Variants in NF1 observed in about 807,000 individuals in gnomAD.
NF1 encodes neurofibromin.
NF1 carries 122 observed loss-of-function variants against 325.7 expected under a neutral mutation model. The ratio of observed to expected loss-of-function variants is 0.37; its 90% CI spans 0.32 to 0.44. The LOEUF is 0.44. Among genes scored for constraint, NF1 ranks in the 20% least tolerant of loss-of-function variants. The pLI, the probability that NF1 is intolerant of heterozygous loss-of-function variation, is 1.00. For synonymous variants in NF1, 1,091 were observed against 1,186.0 expected (o/e 0.92, Z 1.65); for missense variants, 2,140 against 3,415.4 (o/e 0.63, Z 9.31).
intron 1 of NF1, among the ~76,000 whole-genome samples, chr17:31,110,259 A>C (rs1029549140): frequency 1.3e-5 from 2 of 152,222 alleles, no homozygotes; most frequent in African/African-American, 4.8e-5. Flanking sequence ...TACTAAAAAA[A>C]ATATTGGAGA....
chr17:31,251,237 C>T (rs1348977087), intron 30 of NF1: 1 of 206,108 alleles, frequency 4.9e-6, no homozygotes, highest in African/African-American at 2.3e-5. Flanking sequence ...TACCTTCCTG[C>T]TCTTCTGTGT....
At chr17:31,278,461 T>A (rs2068052496) in intron 36 of NF1, among the ~76,000 whole-genome samples, 1 of 143,784 alleles carries the variant, frequency 7.0e-6, no homozygotes, top group Non-Finnish European at 1.5e-5. Flanking sequence ...TCTTGAGTGA[T>A]ATTTGCACAG....
At chr17:31,151,727 A>T (rs1916956637) in intron 1 of NF1, among the ~76,000 whole-genome samples, 1 of 152,216 alleles carries the variant, frequency 6.6e-6, no homozygotes, top group Admixed American at 6.5e-5. Context: ...TTTAGGGAAT[A>T]ATGACGAAAA....
chr17:31,325,762 C>T (rs2151537201), intron 36 of NF1, 58 bp from the exon 37 acceptor site: 1 of 1,218,592 alleles, frequency 8.2e-7, no homozygotes, highest in Non-Finnish European at 1.2e-6. Flanking sequence ...TTAGTGGCAT[C>T]TGTATATTTA....
At chr17:31,147,860 A>G (rs1916684280) in intron 1 of NF1, among the ~76,000 whole-genome samples, 1 of 152,238 alleles carries the variant, frequency 6.6e-6, no homozygotes, top group South Asian at 2.1e-4. Flanking sequence ...TCACTGAGGC[A>G]TTTGAGATTC....
intron 1 of NF1, among the ~76,000 whole-genome samples, chr17:31,121,808 C>G (rs904914110): frequency 6.6e-6 from 1 of 152,114 alleles, no homozygotes; most frequent in East Asian, 1.9e-4. Flanking sequence ...TTTTGGTGTA[C>G]TGCTGGATTC....
At position 31,362,595 on chromosome 17, in the gene NF1, C is replaced by T. The variant is rs537242407; in HGVS notation, c.8377+1892C>T. On this transcript the variant is annotated intron_variant, in intron 57 of 57. Transcript: ENST00000358273. The stretch of plus-strand genomic sequence containing the variant: ...TTGCTAATTCATTACTTCTGTCTGC[C>T]TTGCCTTAAGCCCACCAGTTCTTTT... Among the ~76,000 whole-genome samples the T allele has an allele frequency of 1.4e-4, 22 of 152,232 alleles. No individual in the cohort carries two copies. In the South Asian group the frequency reaches 4.6e-3, roughly 32 times the overall value.
Position 31,327,702 on chromosome 17 carries a change from C to T in NF1, c.5472C>T (p.Ile1824=), listed in dbSNP as rs758784558. The change falls in exon 38 of 58, where the codon ATC becomes ATT. Residue 1824 remains isoleucine, a synonymous_variant. Transcript: ENST00000358273. ...HQECEAIVQS[I]IHIRTRWELS... is the part of the protein sequence containing the mutation. ...AGTGTGAAGCCATTGTCCAGTCTAT[C>T]ATTCATATCCGGACCCGCTGGGAAC... is the stretch of plus-strand genomic sequence containing the variant. 1 of 1,614,154 alleles carries T rather than the reference C, an allele frequency of 6.2e-7. No individual in the cohort carries two copies. The highest frequency in any genetic ancestry group is 8.5e-7 in the Non-Finnish European group (1 of 1,180,016).
At chr17:31,098,779 A>G (rs1912019282) in intron 1 of NF1, among the ~76,000 whole-genome samples, 1 of 151,928 alleles carries the variant, frequency 6.6e-6, no homozygotes, top group South Asian at 2.1e-4. Flanking sequence ...TAAAAATACA[A>G]AAATTAGCTG....
chr17:31,155,663 A>G (rs1178344670), intron 1 of NF1, among the ~76,000 whole-genome samples: 1 of 152,198 alleles, frequency 6.6e-6, no homozygotes, highest in African/African-American at 2.4e-5. Context: ...TTCTTCTTAT[A>G]TAGTGCTGGA....
intron 1 of NF1, among the ~76,000 whole-genome samples, chr17:31,124,592 A>ATTTTTTTTTTTTTTTTTTTTTTTTTT: frequency 1.6e-5 from 1 of 62,918 alleles, no homozygotes; most frequent in Non-Finnish European, 2.9e-5. Flanking sequence ...GTATTCTTGA[A>ATTTTTTTTTTTTTTTTTTTTTTTTTT]TTTTTTTTTT....
chr17:31,328,530 A>G (rs544235988), intron 38 of NF1, among the ~76,000 whole-genome samples: 33 of 152,286 alleles, frequency 2.2e-4, no homozygotes, highest in Admixed American at 1.6e-3. Context: ...AAAAAATAGT[A>G]TGTGTAGTAG....
intron 39 of NF1, chr17:31,330,869 T>C (rs2069468011): frequency 5.2e-6 from 1 of 191,994 alleles, no homozygotes. Flanking sequence ...AGAGAACTAG[T>C]CATTTTCTCT....
intron 29 of NF1, among the ~76,000 whole-genome samples, 194 bp from the exon 30 acceptor site, chr17:31,248,790 T>C (rs1808092335): frequency 6.6e-6 from 1 of 152,156 alleles, no homozygotes; most frequent in South Asian, 2.1e-4. Flanking sequence ...CCCAAAGTAC[T>C]GGGATTGCAG....
At chr17:31,334,395 A>AC (rs17880830) in intron 39 of NF1, among the ~76,000 whole-genome samples, 4 of 152,178 alleles carry the variant, frequency 2.6e-5, no homozygotes, top group Admixed American at 2.6e-4. Context: ...GGGGAGTGGG[A>AC]GTGGGTTATA....
intron 36 of NF1, chr17:31,305,733 A>G (rs1338416422): frequency 1.1e-6 from 1 of 899,404 alleles, no homozygotes; most frequent in Non-Finnish European, 1.7e-6. Context: ...GTAGGTAGAC[A>G]TTATTCCTAA....
chr17:31,239,688 A>G (rs971600839), intron 29 of NF1, among the ~76,000 whole-genome samples: 3 of 152,288 alleles, frequency 2.0e-5, no homozygotes, highest in Admixed American at 6.5e-5. Flanking sequence ...TACATGAAAT[A>G]TTTTGATACA....
At chr17:31,360,354 C>T in intron 56 of NF1, 133 bp from the exon 57 acceptor site, 1 of 755,132 alleles carries the variant, frequency 1.3e-6, no homozygotes, top group East Asian at 2.7e-5. Flanking sequence ...ACTCCACTCC[C>T]CTTTTTTAAT....
At chr17:31,141,647 A>T (rs1368836734) in intron 1 of NF1, among the ~76,000 whole-genome samples, 3 of 152,210 alleles carry the variant, frequency 2.0e-5, no homozygotes, top group African/African-American at 7.2e-5. Flanking sequence ...TTAGCAGTTT[A>T]AAACAACAGA....
Sources: gnomAD v4.1 joint callset for allele counts (sites outside exome capture counted in the v4.1 genomes callset) on GRCh38, gnomAD v4.1.1 for gene constraint, MANE v1.5 for transcripts, NCBI Gene and HGNC (gene_info 2026-07-23, HGNC 2026-07-21) for gene names.